The following SAMSN1 variants were observed in gnomAD, a reference collection of about 807,000 sequenced individuals.
The protein encoded by SAMSN1 is SAM domain-containing protein SAMSN-1.
A neutral mutation model predicts 42.0 loss-of-function variants in SAMSN1; 31 were observed. That is an observed-to-expected ratio of 0.74 (90% CI 0.55 to 1.00). The LOEUF (loss-of-function observed/expected upper bound fraction) is 1.00. Ranked by LOEUF, SAMSN1 falls within the 50% of genes least tolerant of loss-of-function variation. The pLI is 0.00. For missense variants in SAMSN1, 464 were observed against 439.4 expected (o/e 1.06, Z -0.50); for synonymous variants, 178 against 151.9 (o/e 1.17, Z -1.26).
intron 7 of SAMSN1, among the ~76,000 whole-genome samples, chr21:14,487,283 A>G (rs1420026839): frequency 6.6e-6 from 1 of 152,188 alleles, no homozygotes; most frequent in African/African-American, 2.4e-5. Flanking sequence ...AATTTTCTTC[A>G]ATAGGCTATT....
chr21:14,634,161 T>A lies in SAMSN1; in HGVS notation c.156+8841A>T, dbSNP rs143135032. Among the ~76,000 whole-genome samples the A allele has an allele frequency of 3.6e-3, 535 of 150,608 alleles. 3 individuals are homozygous for A. Among genetic ancestry groups the A allele is most frequent in the African/African-American group, 0.012 (507 of 41,032 alleles). ...CCTTATACCTTATACAAAAATTAAC[T>A]CAAGATGGATTAAAGACTTAAATTT... is the stretch of plus-strand genomic sequence containing the variant. On this transcript the variant is annotated intron_variant, in intron 2 of 15. Coordinates refer to the SAMSN1 transcript ENST00000647101.
chr21:14,546,100 C>T, intron 1 of SAMSN1, 105 bp downstream of exon 1: 1 of 1,014,628 alleles, frequency 9.9e-7, no homozygotes, highest in Non-Finnish European at 1.5e-6. Context: ...CTATGTTTGA[C>T]TTATGACTGA....
At chr21:14,605,459 G>C (rs1021098848) in intron 5 of SAMSN1, among the ~76,000 whole-genome samples, 3 of 152,126 alleles carry the variant, frequency 2.0e-5, no homozygotes, top group Admixed American at 6.5e-5. Context: ...CCTGCTCTTA[G>C]GAAACAAGTT....
chr21:14,587,052 C>T (rs1426684500), upstream of SAMSN1, among the ~76,000 whole-genome samples: 1 of 152,140 alleles, frequency 6.6e-6, no homozygotes, highest in Non-Finnish European at 1.5e-5. Flanking sequence ...TATGGAATAT[C>T]TAATCAGAGG....
At chr21:14,627,082 A>T (rs1419849886) in intron 2 of SAMSN1, among the ~76,000 whole-genome samples, 1 of 152,126 alleles carries the variant, frequency 6.6e-6, no homozygotes, top group African/African-American at 2.4e-5. Context: ...AACAATGAGA[A>T]CACATGGACA....
chr21:14,518,827 A>T (rs1172090667), intron 2 of SAMSN1, among the ~76,000 whole-genome samples: 2 of 152,212 alleles, frequency 1.3e-5, no homozygotes, highest in Admixed American at 1.3e-4. Context: ...ATAAAATTTA[A>T]TTCGGAAGCA....
chr21:14,577,232 ATGTG>A (rs71735460), intron 2 of SAMSN1, among the ~76,000 whole-genome samples: 12,982 of 56,752 alleles, frequency 0.23, 2,068 homozygotes, highest in African/African-American at 0.4. Context: ...ATTTATATAT[ATGTG>A]TGTATATATA....
intron 1 of SAMSN1, among the ~76,000 whole-genome samples, chr21:14,529,321 A>G (rs1043500888): frequency 6.6e-6 from 1 of 152,252 alleles, no homozygotes; most frequent in Non-Finnish European, 1.5e-5. Context: ...TACATGCTGT[A>G]TCTCCAATGG....
intron 2 of SAMSN1, among the ~76,000 whole-genome samples, chr21:14,577,109 G>GA (rs1376499052): frequency 8.0e-6 from 1 of 124,814 alleles, no homozygotes; most frequent in Non-Finnish European, 1.6e-5. Context: ...AGGCTGGAGT[G>GA]CAGTCGTGCA....
chr21:14,596,451 T>C (rs1318563063), intron 6 of SAMSN1, among the ~76,000 whole-genome samples: 1 of 152,182 alleles, frequency 6.6e-6, no homozygotes, highest in Non-Finnish European at 1.5e-5. Context: ...TCTTTTACAC[T>C]GAAGAGGTCT....
intron 5 of SAMSN1, among the ~76,000 whole-genome samples, chr21:14,608,755 C>A (rs1330814032): frequency 6.6e-6 from 1 of 152,128 alleles, no homozygotes; most frequent in Non-Finnish European, 1.5e-5. Flanking sequence ...AGGCAAACTC[C>A]TAAGGTTCCC....
chr21:14,487,805 T>C (rs1225792712), intron 7 of SAMSN1, among the ~76,000 whole-genome samples: 1 of 152,192 alleles, frequency 6.6e-6, no homozygotes, highest in Non-Finnish European at 1.5e-5. Context: ...GGTATTTGCC[T>C]AGTGATATTA....
chr21:14,567,245 G>A (rs553438683), intron 2 of SAMSN1, among the ~76,000 whole-genome samples: 3 of 150,816 alleles, frequency 2.0e-5, no homozygotes, highest in Non-Finnish European at 4.4e-5. Flanking sequence ...ATAAGAGGAA[G>A]TTGCACGAGT....
intron 2 of SAMSN1, among the ~76,000 whole-genome samples, chr21:14,557,232 T>C (rs993889040): frequency 6.6e-6 from 1 of 152,186 alleles, no homozygotes; most frequent in African/African-American, 2.4e-5. Flanking sequence ...CTACATGAAC[T>C]TGAGCCTGAC....
chr21:14,598,063 G>T (rs1982322286), intron 6 of SAMSN1: 1 of 152,098 alleles, frequency 6.6e-6, no homozygotes, highest in African/African-American at 2.4e-5. Flanking sequence ...CACGAAGAAA[G>T]AAATTGATTG....
intron 5 of SAMSN1, among the ~76,000 whole-genome samples, chr21:14,605,873 A>G (rs1028178477): frequency 6.7e-6 from 1 of 150,282 alleles, no homozygotes; most frequent in African/African-American, 2.5e-5. Context: ...ATGGAGTCTC[A>G]CTCTGTCGCC....
At chr21:14,614,814 G>T (rs1333380385) in intron 3 of SAMSN1, among the ~76,000 whole-genome samples, 1 of 151,700 alleles carries the variant, frequency 6.6e-6, no homozygotes, top group African/African-American at 2.4e-5. Flanking sequence ...CAGGAGAGTG[G>T]TAGGCCAAAA....
chr21:14,508,658 A>G (rs770703863), intron 5 of SAMSN1, among the ~76,000 whole-genome samples: 6 of 152,232 alleles, frequency 3.9e-5, no homozygotes, highest in Non-Finnish European at 7.3e-5. Context: ...AGATTCCTTA[A>G]AGAACTAAAA....
intron 5 of SAMSN1, among the ~76,000 whole-genome samples, chr21:14,607,641 A>G (rs551384329): frequency 2.8e-4 from 42 of 152,356 alleles, no homozygotes; most frequent in Non-Finnish European, 4.4e-4. Flanking sequence ...TCCTTCTCTG[A>G]CAAAGCAACC....
Sources: allele counts gnomAD v4.1 joint callset (sites outside exome capture counted in the v4.1 genomes callset), GRCh38; gene constraint gnomAD v4.1.1; transcripts MANE v1.5; gene names NCBI Gene and HGNC (gene_info 2026-07-23, HGNC 2026-07-21).